CFAP46: variants seen among roughly 807,000 people sequenced by gnomAD.
CFAP46 encodes the protein cilia and flagella associated protein 46.
A neutral mutation model predicts 325.7 loss-of-function variants in CFAP46; 245 were observed. The ratio of observed to expected loss-of-function variants is 0.75; its 90% confidence interval spans 0.68 to 0.84. The LOEUF (loss-of-function observed/expected upper bound fraction) is 0.84, where lower values mean the gene tolerates loss of function less well. Among genes scored for constraint, CFAP46 ranks in the 40% least tolerant of loss-of-function variants. CFAP46 has a pLI of 0.00. For synonymous variants in CFAP46, 1,523 were observed against 1,495.9 expected, an observed-to-expected ratio of 1.02 and a Z score of -0.42; for missense variants, 3,346 against 3,543.0, an observed-to-expected ratio of 0.94 and a Z score of 1.41.
intron 25 of CFAP46, among the ~76,000 whole-genome samples, chr10:132,887,281 CCTCCCCTCTTCTTTCCT>C (rs1408891983): frequency 2.0e-4 from 22 of 111,060 alleles, no homozygotes; most frequent in African/African-American, 8.0e-4. Flanking sequence ...TCTCCTCTCT[CCTCCCCTCTTCTTTCCT>C]CTCCCCTCTT....
chr10:132,823,073 C>T (rs544677385), intron 50 of CFAP46, among the ~76,000 whole-genome samples: 97 of 112,992 alleles, frequency 8.6e-4, no homozygotes, highest in Non-Finnish European at 1.4e-3. Flanking sequence ...CTGATGTGTG[C>T]TGTGTGTGCT....
At chr10:132,850,202 T>C in intron 41 of CFAP46, 42 bp downstream of exon 41, 2 of 1,540,762 alleles carry the variant, frequency 1.3e-6, no homozygotes, top group Non-Finnish European at 1.8e-6. Context: ...CACGGGTGAC[T>C]GGTGTTGGAG....
At position 132,936,192 on chromosome 10, in the gene CFAP46, C is replaced by T. The variant is rs1320603243; in HGVS notation, c.755+769G>A. Among the ~76,000 whole-genome samples, 8 of 117,242 alleles carry T rather than the reference C, an allele frequency of 6.8e-5. 1 individual carries two copies. Among genetic ancestry groups the T allele is most frequent in the Non-Finnish European group, 1.1e-4 (6 of 55,944 alleles). 76.9% of individuals were successfully genotyped at this position (117,242 alleles called of 152,430 possible). On this transcript the variant is annotated intron_variant, in intron 7 of 57. Coordinates refer to ENST00000368586, the MANE Select transcript of CFAP46 (RefSeq NM_001200049.3). ...TGTGATCTCCTCACTCCCCTCAGCC[C>T]CCAAACACACTGTGATCTCCTCACT...
rs200473624 is a variant in CFAP46, at chr10:132,885,246, C to T, written c.3484G>A (p.Gly1162Arg). Residue 1162 changes from glycine (G) to arginine (R), a missense_variant, in exon 27 of 58, where the codon GGG (glycine) becomes AGG (arginine). Gly to Arg is a moderately radical substitution (Grantham distance 125). Transcript: ENST00000368586. The part of the protein sequence containing the change: ...KHMVIVKAKL[G>R]QNFSMEIQKF... The stretch of plus-strand genomic sequence containing the variant: ...TGTATTTCCATCGAAAAATTCTGCC[C>T]GAGCTTGGCCTTCACGATGACCATG... 2.6e-3 allele frequency: 4,084 copies of T among 1,550,064 alleles called. 8 individuals are homozygous for T. Among genetic ancestry groups the T allele is most frequent in the Non-Finnish European group, 3.3e-3 (3,807 of 1,146,714 alleles).
intron 19 of CFAP46, among the ~76,000 whole-genome samples, chr10:132,911,335 C>T (rs960043438): frequency 6.6e-6 from 1 of 152,234 alleles, no homozygotes; most frequent in African/African-American, 2.4e-5. Context: ...TGACTGTGAG[C>T]GTTGTGAGTG....
rs535292520 is a variant in CFAP46 at position 132,832,452 on chromosome 10, C to T, written c.7117+906G>A. Reference sequence around the variant, plus strand: ...AGAGTAAGACCTGGGTGGGCCATGGCGCTCGCCAGCCAAACCCCCTTCGAG... The same window carrying T: ...AGAGTAAGACCTGGGTGGGCCATGGTGCTCGCCAGCCAAACCCCCTTCGAG... On this transcript the variant is annotated intron_variant, in intron 50 of 57. Coordinates refer to ENST00000368586, the MANE Select transcript of CFAP46 (RefSeq NM_001200049.3). The surrounding 1 kb of genome is among the most constrained non-coding windows in gnomAD (Gnocchi z 4.1). Among the ~76,000 whole-genome samples the T allele has an allele frequency of 4.9e-5, 7 of 141,764 alleles. No homozygotes were observed. The East Asian group carries it at 1.6e-3, about 33-fold the overall frequency. The allele number at this position is 141,764 out of a possible 152,430, so 93.0% of individuals were successfully genotyped here.
rs892507191 is a variant in CFAP46, at chr10:132,859,361, G to A, written c.5199-114C>T. On this transcript the variant is annotated intron_variant, in intron 37 of 57. Coordinates refer to ENST00000368586, the MANE Select transcript of CFAP46 (RefSeq NM_001200049.3). The stretch of plus-strand genomic sequence containing the variant: ...TTCATCCAGGGATGCTCGGAGAAAC[G>A]CTTTCGGAGCATTTCTCGAAAATCA... 1.0e-4 allele frequency: 82 copies of A among 823,528 alleles called. 1 individual carries two copies. The highest frequency in any genetic ancestry group is 3.1e-4 in the Middle Eastern group (1 of 3,270). 51.0% of individuals were successfully genotyped at this position (823,528 alleles called of 1,614,324 possible). A position where few individuals can be genotyped will look rare whatever the true frequency, so the allele number is the denominator to read the frequency against.
intron 35 of CFAP46, among the ~76,000 whole-genome samples, chr10:132,864,517 C>A (rs1398241377): frequency 8.5e-6 from 1 of 117,638 alleles, no homozygotes; most frequent in Non-Finnish European, 1.7e-5. Context: ...CACACACCTG[C>A]CCCCCTGCCT....
chr10:132,938,847 C>T, intron 4 of CFAP46, 94 bp from the exon 5 acceptor site: 1 of 1,214,494 alleles, frequency 8.2e-7, no homozygotes, highest in East Asian at 2.4e-5. Context: ...GGAGCCCCTC[C>T]CAGGAGGGGC....
At chr10:132,887,289 CTT>C (rs1188065827) in intron 25 of CFAP46, among the ~76,000 whole-genome samples, 1 of 116,924 alleles carries the variant, frequency 8.6e-6, no homozygotes, top group Non-Finnish European at 1.7e-5. Flanking sequence ...CTCCTCCCCT[CTT>C]CTTTCCTCTC....
chr10:132,908,650 A>G lies in CFAP46; in HGVS notation c.2758-16T>C. 2 of 1,523,194 alleles carry G rather than the reference A, an allele frequency of 1.3e-6. No individual in the cohort carries two copies. Among genetic ancestry groups the G allele is most frequent in the East Asian group, 2.5e-5 (1 of 40,642 alleles). The allele number at this position is 1,523,194 out of a possible 1,614,324, so 94.4% of individuals were successfully genotyped here. ...TTTTCACCAACTTCCGGTGGGTGGC[A>G]AGAGAAGGGGCACCGTGTTAGCAAC... On this transcript the variant is annotated splice_polypyrimidine_tract_variant and intron_variant, in intron 21 of 57. Transcript: ENST00000368586.
At position 132,900,158 on chromosome 10, in the gene CFAP46, G is replaced by A. The variant is rs144372528; in HGVS notation, c.2925-492C>T. Among the ~76,000 whole-genome samples the A allele has an allele frequency of 7.2e-3, 1,098 of 152,298 alleles. 15 individuals carry two copies. The highest frequency in any genetic ancestry group is 0.025 in the African/African-American group (1,041 of 41,550). On this transcript the variant is annotated intron_variant, in intron 22 of 57. Coordinates refer to ENST00000368586, the MANE Select transcript of CFAP46 (RefSeq NM_001200049.3). ...GTTTTTTTAATGACTAATCTTTAGA[G>A]GGACTTGTGCAGCAACAGATCCACA...
At chr10:132,874,045 A>G (rs1848930831) in intron 31 of CFAP46, among the ~76,000 whole-genome samples, 1 of 152,210 alleles carries the variant, frequency 6.6e-6, no homozygotes, top group Non-Finnish European at 1.5e-5. Context: ...TTACCAGGGA[A>G]TTCTTCCACG....
intron 22 of CFAP46, among the ~76,000 whole-genome samples, chr10:132,907,470 G>T (rs1313689635): frequency 2.0e-5 from 3 of 152,232 alleles, no homozygotes; most frequent in African/African-American, 7.2e-5. Flanking sequence ...CGGCACGGCT[G>T]ACTCTGGAGA....
At chr10:132,929,001 A>C (rs1354617291) in intron 9 of CFAP46, among the ~76,000 whole-genome samples, 2 of 152,216 alleles carry the variant, frequency 1.3e-5, no homozygotes, top group Non-Finnish European at 2.9e-5. Flanking sequence ...TTTTAGGCAC[A>C]AAATGTTCAC....
In CFAP46 at chr10:132,886,283, C is replaced by T. The variant is rs990078915; in HGVS notation, c.3305-324G>A. On this transcript the variant is annotated intron_variant, in intron 25 of 57. Transcript: ENST00000368586. This position sits in a 1 kb window ranked among gnomAD's most constrained non-coding sequence, Gnocchi z 5.8. ...TGTGTTTCCACGTATTAAAGATTGG[C>T]GAGCAGGACTTGGGGTCCTTTCAGG... 2.0e-5 allele frequency among the ~76,000 whole-genome samples: 3 copies of T among 152,172 alleles called. No homozygotes were observed. The highest frequency in any genetic ancestry group is 2.9e-5 in the Non-Finnish European group (2 of 68,014).
intron 24 of CFAP46, among the ~76,000 whole-genome samples, chr10:132,897,700 C>T (rs765518745): frequency 6.6e-5 from 10 of 152,204 alleles, no homozygotes; most frequent in Non-Finnish European, 1.5e-4. Context: ...GGCTTGCCTC[C>T]GTACTCTCCA....
intron 50 of CFAP46, among the ~76,000 whole-genome samples, chr10:132,822,352 C>CTG (rs1847876128): frequency 2.4e-5 from 3 of 123,486 alleles, no homozygotes; most frequent in South Asian, 5.3e-4. Context: ...GTGATGTGTG[C>CTG]TGTGTGTGCA....
chr10:132,931,960 T>C (rs1372185666), intron 8 of CFAP46, among the ~76,000 whole-genome samples: 1 of 136,146 alleles, frequency 7.3e-6, no homozygotes, highest in Non-Finnish European at 1.6e-5. Flanking sequence ...ACACAGAGGC[T>C]GGGCCTTCCT....
Sources: gnomAD v4.1 joint callset for allele counts (sites outside exome capture counted in the v4.1 genomes callset) on GRCh38, gnomAD v4.1.1 for gene constraint, Gnocchi (gnomAD v3.1) non-coding constraint, MANE v1.5 for transcripts, NCBI Gene and HGNC (gene_info 2026-07-23, HGNC 2026-07-21) for gene names.